Variants in SV2C observed in about 807,000 individuals in gnomAD.
SV2C encodes the protein solute carrier family 22 member B3.
Under a neutral mutation model 79.7 loss-of-function variants are expected in SV2C, and 49 were observed. The ratio of observed to expected loss-of-function variants is 0.61; its 90% CI spans 0.49 to 0.78. The LOEUF (loss-of-function observed/expected upper bound fraction) is 0.78, where lower values mean the gene tolerates loss of function less well. Ranked by LOEUF, SV2C falls within the 30% of genes least tolerant of loss-of-function variation. The probability of loss-of-function intolerance (pLI) is 0.00; values close to 1 mark genes in which losing one functional copy is unlikely to be tolerated. For synonymous variants in SV2C, 334 were observed against 333.2 expected, an observed-to-expected ratio of 1.00 and a Z score of -0.03; for missense variants, 833 against 912.9, an observed-to-expected ratio of 0.91 and a Z score of 1.13.
the SV2C span, among the ~76,000 whole-genome samples, chr5:75,973,022 T>C: frequency 6.6e-6 from 1 of 152,130 alleles, no homozygotes; most frequent in African/African-American, 2.4e-5. Context: ...TCATGTCCTT[T>C]GTAGGGACAT....
intron 12 of SV2C, among the ~76,000 whole-genome samples, chr5:76,352,147 A>G (rs541723437): frequency 2.0e-5 from 3 of 152,316 alleles, no homozygotes; most frequent in African/African-American, 7.2e-5. Flanking sequence ...CAGGAGGCGG[A>G]GGTTGCAGTG....
intron 1 of SV2C, among the ~76,000 whole-genome samples, chr5:76,109,527 C>T (rs1748034039): frequency 6.6e-6 from 1 of 152,162 alleles, no homozygotes; most frequent in Admixed American, 6.5e-5. Flanking sequence ...TGTTAAAGTC[C>T]TAATCTCCCA....
chr5:76,139,591 T>G (rs1414990424), intron 2 of SV2C, among the ~76,000 whole-genome samples: 1 of 152,138 alleles, frequency 6.6e-6, no homozygotes, highest in Non-Finnish European at 1.5e-5. Context: ...ACATATCGGG[T>G]TTCTGAACAT....
chr5:76,275,277 A>C lies in SV2C; in HGVS notation c.914-9885A>C, dbSNP rs149957464. Among the ~76,000 whole-genome samples, 1,178 of 152,206 alleles carry C rather than the reference A, an allele frequency of 7.7e-3. 15 individuals carry two copies. Among genetic ancestry groups the C allele is most frequent in the African/African-American group, 0.027 (1,115 of 41,524 alleles). ...CCGAGGCGGGCAGATCACGAGGTCA[A>C]GAGATCAAGACCATCCTGGCTAACA... On this transcript the variant is annotated intron_variant, in intron 4 of 12. Coordinates refer to ENST00000502798, the MANE Select transcript of SV2C (RefSeq NM_014979.4).
chr5:76,125,606 A>G (rs1009185257), intron 1 of SV2C, among the ~76,000 whole-genome samples: 2 of 152,194 alleles, frequency 1.3e-5, no homozygotes, highest in African/African-American at 4.8e-5. Flanking sequence ...CTCCACATGA[A>G]GTAAGTGTGA....
chr5:76,233,834 C>T (rs1295385667), intron 4 of SV2C, among the ~76,000 whole-genome samples: 5 of 150,696 alleles, frequency 3.3e-5, no homozygotes, highest in Admixed American at 1.3e-4. Context: ...CTGTTGCATT[C>T]GTTTTGCCAG....
In SV2C at chr5:76,223,559, C is replaced by T. The variant is rs79005547; in HGVS notation, c.913+13672C>T. On this transcript the variant is annotated intron_variant, in intron 4 of 12. Transcript: ENST00000502798. ...GTTTTTTACATCACATGCTTTATAA[C>T]CCACATTTGATAAATCCTGATTTGA... Among the ~76,000 whole-genome samples the T allele has an allele frequency of 5.8e-3, 832 of 143,820 alleles. 12 individuals carry two copies. The highest frequency in any genetic ancestry group is 0.02 in the African/African-American group (792 of 38,804). 94.4% of individuals were successfully genotyped at this position (143,820 alleles called of 152,430 possible).
the SV2C span, among the ~76,000 whole-genome samples, chr5:75,940,386 CA>C: frequency 1.4e-4 from 20 of 145,448 alleles, no homozygotes; most frequent in Non-Finnish European, 2.9e-4. Context: ...GACTCTGTCT[CA>C]AAAAAAAAAG....
chr5:76,033,113 A>C, the SV2C span, among the ~76,000 whole-genome samples: 1 of 151,986 alleles, frequency 6.6e-6, no homozygotes, highest in Admixed American at 6.6e-5. Flanking sequence ...TTTCTTGTAA[A>C]TTTGTTTGAG....
chr5:75,900,603 G>A, the SV2C span, among the ~76,000 whole-genome samples: 1 of 152,144 alleles, frequency 6.6e-6, no homozygotes, highest in East Asian at 1.9e-4. Flanking sequence ...GAATCTGAAT[G>A]TTGGCCTGCC....
the SV2C span, among the ~76,000 whole-genome samples, chr5:75,952,469 G>T: frequency 6.6e-6 from 1 of 151,824 alleles, no homozygotes; most frequent in Non-Finnish European, 1.5e-5. Context: ...CAAATCTCAG[G>T]TTGAAATGTA....
At chr5:75,972,290 C>A in the SV2C span, among the ~76,000 whole-genome samples, 1 of 152,008 alleles carries the variant, frequency 6.6e-6, no homozygotes, top group Non-Finnish European at 1.5e-5. Flanking sequence ...TCTAAAACAC[C>A]AAAAGCGATG....
chr5:76,165,238 A>G (rs1580320395), intron 2 of SV2C, among the ~76,000 whole-genome samples: 1 of 152,280 alleles, frequency 6.6e-6, no homozygotes. Flanking sequence ...CCCAATGATA[A>G]TATCTTACAT....
the SV2C span, among the ~76,000 whole-genome samples, chr5:75,891,920 G>A: frequency 1.3e-5 from 2 of 151,926 alleles, no homozygotes; most frequent in Non-Finnish European, 2.9e-5. Flanking sequence ...GGCCTGCAAT[G>A]GTCCCTGGTC....
At chr5:76,189,154 C>T (rs939959063) in intron 2 of SV2C, among the ~76,000 whole-genome samples, 13 of 151,928 alleles carry the variant, frequency 8.6e-5, no homozygotes, top group African/African-American at 2.4e-4. Context: ...GAGACTAGAG[C>T]TAGTCCAGGG....
At chr5:75,935,271 T>C in the SV2C span, among the ~76,000 whole-genome samples, 37 of 152,204 alleles carry the variant, frequency 2.4e-4, no homozygotes, top group Non-Finnish European at 4.3e-4. Context: ...TTTTACTAAT[T>C]TTTAAATAAA....
At chr5:76,285,474 C>A in intron 5 of SV2C, 179 bp downstream of exon 5, 1 of 838,814 alleles carries the variant, frequency 1.2e-6, no homozygotes, top group Non-Finnish European at 1.8e-6. Flanking sequence ...AAAAAAGCTG[C>A]CTCATGGCTA....
Position 76,111,201 on chromosome 5 carries a change from A to G in SV2C, c.-101-20449A>G, listed in dbSNP as rs112527611. On this transcript the variant is annotated intron_variant, in intron 1 of 12. Coordinates refer to ENST00000502798, the MANE Select transcript of SV2C (RefSeq NM_014979.4). Reference sequence around the variant, plus strand: ...GGGAGGAGAAGTGGGGACGGATTCTAAAAGATCCTCTAAATGGAAGCAGAA... The same window carrying G: ...GGGAGGAGAAGTGGGGACGGATTCTGAAAGATCCTCTAAATGGAAGCAGAA... Among the ~76,000 whole-genome samples the G allele has an allele frequency of 6.8e-3, 1,041 of 152,220 alleles. 9 individuals carry two copies. The highest frequency in any genetic ancestry group is 0.024 in the African/African-American group (999 of 41,528).
chr5:75,878,847 T>G, the SV2C span, among the ~76,000 whole-genome samples: 3 of 148,634 alleles, frequency 2.0e-5, no homozygotes, highest in African/African-American at 7.7e-5. Flanking sequence ...GCTGGATAAT[T>G]TATATTAAAA....
Sources: allele counts gnomAD v4.1 joint callset (sites outside exome capture counted in the v4.1 genomes callset), GRCh38; gene constraint gnomAD v4.1.1; transcripts MANE v1.5; gene names NCBI Gene and HGNC (gene_info 2026-07-23, HGNC 2026-07-21).